Variants in TMPRSS15 observed in about 807,000 individuals in gnomAD.
The protein encoded by TMPRSS15 is transmembrane serine protease 15.
TMPRSS15 carries 128 observed loss-of-function variants against 125.3 expected under a neutral mutation model. That is an observed-to-expected ratio of 1.02 (90% CI 0.89 to 1.18). TMPRSS15 has a LOEUF of 1.18. Ranked by LOEUF, TMPRSS15 falls within the 50% of genes most tolerant of loss-of-function variation. TMPRSS15 has a pLI of 0.00. For missense variants in TMPRSS15, 1,283 were observed against 1,212.7 expected (o/e 1.06, Z -0.86); for synonymous variants, 446 against 423.2 (o/e 1.05, Z -0.66).
At position 18,428,015 on chromosome 21, in the gene TMPRSS15, T is replaced by A. The variant is rs183713063; in HGVS notation, c.11-29686A>T. ...ATTTCTCCAGCAATAGAGATGTTTT[T>A]AATTGACCGACAGAAGTCTTTTGCT... On this transcript the variant is annotated intron_variant, in intron 1 of 7. Transcript: ENST00000422787. 6.8e-3 allele frequency among the ~76,000 whole-genome samples: 1,033 copies of A among 152,352 alleles called. 14 individuals are homozygous for A. Among genetic ancestry groups the A allele is most frequent in the African/African-American group, 0.024 (995 of 41,582 alleles).
intron 13 of TMPRSS15, among the ~76,000 whole-genome samples, chr21:18,335,684 T>C (rs79720027): frequency 0.052 from 7,866 of 152,306 alleles, 621 homozygotes; most frequent in African/African-American, 0.17. Context: ...AGTTACTCTC[T>C]GCATATAAAT....
chr21:18,277,115 G>A (rs1243363160), intron 23 of TMPRSS15, among the ~76,000 whole-genome samples: 1 of 151,996 alleles, frequency 6.6e-6, no homozygotes, highest in Admixed American at 6.6e-5. Flanking sequence ...ATAAAGCAAA[G>A]TTCATAAACT....
intron 1 of TMPRSS15, among the ~76,000 whole-genome samples, chr21:18,457,087 T>C (rs189343901): frequency 6.6e-6 from 1 of 152,248 alleles, no homozygotes; most frequent in African/African-American, 2.4e-5. Flanking sequence ...GTACTTGACC[T>C]ATCTAAGCCT....
At chr21:18,372,545 G>T (rs1254411964) in intron 5 of TMPRSS15, among the ~76,000 whole-genome samples, 1 of 152,084 alleles carries the variant, frequency 6.6e-6, no homozygotes, top group Non-Finnish European at 1.5e-5. Context: ...CACATCATCT[G>T]CAACATCTAG....
chr21:18,381,195 T>C (rs768871275), intron 4 of TMPRSS15, among the ~76,000 whole-genome samples: 1 of 152,144 alleles, frequency 6.6e-6, no homozygotes, highest in African/African-American at 2.4e-5. Flanking sequence ...TGATGATAAG[T>C]GGGCTAAGAA....
chr21:18,422,582 C>A (rs75749265), intron 1 of TMPRSS15, among the ~76,000 whole-genome samples: 2 of 152,076 alleles, frequency 1.3e-5, no homozygotes, highest in Admixed American at 6.5e-5. Context: ...CTCACGATAA[C>A]CCTATGATGT....
At chr21:18,429,812 T>C (rs776757147) in intron 1 of TMPRSS15, among the ~76,000 whole-genome samples, 57 of 152,358 alleles carry the variant, frequency 3.7e-4, no homozygotes, top group African/African-American at 5.8e-4. Context: ...AGATTACTTA[T>C]ACTATACTTG....
At chr21:18,441,344 C>A (rs1251604644) in intron 1 of TMPRSS15, among the ~76,000 whole-genome samples, 1 of 151,508 alleles carries the variant, frequency 6.6e-6, no homozygotes, top group Admixed American at 6.6e-5. Flanking sequence ...TGGTGGCTCA[C>A]ACCTGTAATC....
intron 7 of TMPRSS15, among the ~76,000 whole-genome samples, chr21:18,361,514 G>A (rs921936355): frequency 2.6e-5 from 4 of 152,270 alleles, no homozygotes; most frequent in Admixed American, 1.3e-4. Context: ...GGAGGATACT[G>A]AGTGAACAAG....
chr21:18,412,814 A>AT lies in TMPRSS15; in HGVS notation c.11-14486dup, dbSNP rs547980444. 8.6e-4 allele frequency among the ~76,000 whole-genome samples: 131 copies of AT among 152,254 alleles called. No individual in the cohort carries two copies. In the Middle Eastern group the frequency reaches 0.01, roughly 12 times the overall value. On this transcript the variant is annotated intron_variant, in intron 1 of 7. Transcript: ENST00000422787. ...ACCAGGAAGGCTGCATTATTAAGTC[A>AT]TTTTTTTACGACAGGGAAGTCAATG...
chr21:18,381,198 G>C (rs1038119458), intron 4 of TMPRSS15, among the ~76,000 whole-genome samples: 5 of 152,080 alleles, frequency 3.3e-5, no homozygotes, highest in Admixed American at 2.0e-4. Context: ...TGATAAGTGG[G>C]CTAAGAAGTA....
chr21:18,288,604 G>A (rs1438007299), intron 21 of TMPRSS15, among the ~76,000 whole-genome samples: 4 of 135,770 alleles, frequency 2.9e-5, no homozygotes, highest in South Asian at 2.4e-4. Flanking sequence ...GCAGTGGTGC[G>A]ATCTCGGCTC....
At chr21:18,389,029 T>C (rs1254303196) in intron 3 of TMPRSS15, among the ~76,000 whole-genome samples, 2 of 138,810 alleles carry the variant, frequency 1.4e-5, no homozygotes, top group South Asian at 2.3e-4. Context: ...GTCAGAAATA[T>C]GCAATAGAGT....
At chr21:18,320,114 C>T (rs537490870) in intron 16 of TMPRSS15, among the ~76,000 whole-genome samples, 2 of 152,202 alleles carry the variant, frequency 1.3e-5, no homozygotes, top group African/African-American at 4.8e-5. Context: ...GAGATAATTA[C>T]AGATTCTAAA....
intron 12 of TMPRSS15, 33 bp downstream of exon 12, chr21:18,343,473 A>T: frequency 6.5e-7 from 1 of 1,534,714 alleles, no homozygotes; most frequent in South Asian, 1.1e-5. Context: ...CACAAAAAGG[A>T]TACAAATATA....
chr21:18,396,800 GTCTGTCTGTCTA>G (rs1427901514), intron 3 of TMPRSS15, among the ~76,000 whole-genome samples: 7 of 67,786 alleles, frequency 1.0e-4, no homozygotes, highest in African/African-American at 4.7e-4. Context: ...AAATCTGTCT[GTCTGTCTGTCTA>G]TCTATCTATC....
intron 13 of TMPRSS15, among the ~76,000 whole-genome samples, chr21:18,339,714 A>G (rs2075428652): frequency 6.6e-6 from 1 of 152,198 alleles, no homozygotes; most frequent in Admixed American, 6.5e-5. Flanking sequence ...AAACAAGTGT[A>G]GTGAAAAAAT....
chr21:18,454,924 T>A (rs1205255773), intron 1 of TMPRSS15, among the ~76,000 whole-genome samples: 2 of 152,178 alleles, frequency 1.3e-5, no homozygotes, highest in Non-Finnish European at 2.9e-5. Context: ...TATCACAGTA[T>A]GTGATATAGC....
chr21:18,381,866 A>T (rs2075895863), intron 4 of TMPRSS15, among the ~76,000 whole-genome samples: 2 of 152,106 alleles, frequency 1.3e-5, no homozygotes, highest in African/African-American at 4.8e-5. Context: ...GAGGAGAAAT[A>T]ACTAACAGGT....
Sources: gnomAD v4.1 joint callset for allele counts (sites outside exome capture counted in the v4.1 genomes callset) on GRCh38, gnomAD v4.1.1 for gene constraint, MANE v1.5 for transcripts, NCBI Gene and HGNC (gene_info 2026-07-23, HGNC 2026-07-21) for gene names.